Variants in FBXL5 observed in about 807,000 individuals in gnomAD.
FBXL5 encodes the protein F-box/LRR-repeat protein 5.
FBXL5 carries 26 observed loss-of-function variants against 78.3 expected under a neutral mutation model. The ratio of observed to expected loss-of-function variants is 0.33; its 90% CI spans 0.24 to 0.46. FBXL5 has a LOEUF of 0.46. Ranked by LOEUF, FBXL5 falls within the 20% of genes least tolerant of loss-of-function variation. The pLI is 1.00. For synonymous variants in FBXL5, 295 were observed against 282.5 expected (o/e 1.04, Z -0.45); for missense variants, 710 against 829.2 (o/e 0.86, Z 1.77).
upstream of FBXL5, chr4:15,655,364 G>GGCGCGCCCCCTTGCGC (rs1716773036): frequency 3.4e-6 from 4 of 1,159,496 alleles, no homozygotes; most frequent in Non-Finnish European, 4.3e-6. Context: ...GGGCAGAGGC[G>GGCGCGCCCCCTTGCGC]GCGCGCCCCC....
At chr4:15,677,486 TA>T (rs1456585146) in intron 1 of FBXL5, among the ~76,000 whole-genome samples, 1 of 152,190 alleles carries the variant, frequency 6.6e-6, no homozygotes, top group Admixed American at 6.5e-5. Flanking sequence ...ACTAGGTGTT[TA>T]CAGGATTAAA....
intron 8 of FBXL5, 66 bp downstream of exon 8, chr4:15,626,807 C>T: frequency 8.9e-7 from 1 of 1,122,776 alleles, no homozygotes; most frequent in Non-Finnish European, 1.3e-6. Flanking sequence ...GATTAAACTG[C>T]AATTACATAA....
intron 10 of FBXL5, 127 bp downstream of exon 10, chr4:15,612,139 C>T: frequency 1.4e-6 from 1 of 718,810 alleles, no homozygotes; most frequent in Non-Finnish European, 2.1e-6. Context: ...TCAAATTTAA[C>T]TAAATCTGAA....
At chr4:15,654,593 A>T (rs1050776531) in intron 1 of FBXL5, among the ~76,000 whole-genome samples, 12 of 152,246 alleles carry the variant, frequency 7.9e-5, no homozygotes, top group Admixed American at 7.2e-4. Flanking sequence ...ACACATGAAG[A>T]GTGAAGGTTC....
intron 1 of FBXL5, among the ~76,000 whole-genome samples, chr4:15,645,930 C>G (rs984665417): frequency 6.6e-6 from 1 of 151,970 alleles, no homozygotes; most frequent in Admixed American, 6.6e-5. Context: ...TTCTTTGGTA[C>G]CTGGGATATA....
At chr4:15,669,934 A>G (rs1486421001) in intron 1 of FBXL5, among the ~76,000 whole-genome samples, 2 of 152,202 alleles carry the variant, frequency 1.3e-5, no homozygotes, top group Non-Finnish European at 2.9e-5. Flanking sequence ...TAATCACCCT[A>G]GGTACTATAT....
intron 1 of FBXL5, among the ~76,000 whole-genome samples, chr4:15,666,214 C>T (rs958828911): frequency 4.6e-5 from 7 of 151,912 alleles, no homozygotes; most frequent in Non-Finnish European, 1.0e-4. Flanking sequence ...GCCTAGGCAA[C>T]ATAAGTAGAC....
At chr4:15,664,226 A>G (rs1473496024), upstream of FBXL5, among the ~76,000 whole-genome samples, 1 of 152,126 alleles carries the variant, frequency 6.6e-6, no homozygotes. Flanking sequence ...TCTCTAATTC[A>G]TCCCTTCTCT....
chr4:15,659,222 G>A (rs1220225650), upstream of FBXL5, among the ~76,000 whole-genome samples: 2 of 152,112 alleles, frequency 1.3e-5, no homozygotes, highest in South Asian at 2.1e-4. Context: ...ACAAGTAGTA[G>A]GCATACATAG....
upstream of FBXL5, chr4:15,656,214 A>G: frequency 2.2e-6 from 1 of 456,250 alleles, no homozygotes; most frequent in South Asian, 1.5e-5. Flanking sequence ...TCGGAGAGAA[A>G]ACAAGGTCAC....
intron 10 of FBXL5, among the ~76,000 whole-genome samples, chr4:15,609,663 C>G (rs1201351891): frequency 6.6e-6 from 1 of 152,028 alleles, no homozygotes; most frequent in Non-Finnish European, 1.5e-5. Flanking sequence ...CCATTTAACA[C>G]TTCTTAAATG....
intron 1 of FBXL5, among the ~76,000 whole-genome samples, chr4:15,649,273 A>T (rs1434143238): frequency 1.3e-5 from 2 of 152,110 alleles, no homozygotes; most frequent in African/African-American, 4.8e-5. Flanking sequence ...AAGTTAGTAA[A>T]TTTAGCAGTT....
At chr4:15,647,775 A>C (rs574709374) in intron 1 of FBXL5, among the ~76,000 whole-genome samples, 32 of 152,348 alleles carry the variant, frequency 2.1e-4, no homozygotes, top group African/African-American at 7.7e-4. Flanking sequence ...CCATTCTACC[A>C]GCAAGTCATT....
intron 10 of FBXL5, chr4:15,612,046 C>T (rs1298071926): frequency 2.5e-6 from 1 of 398,260 alleles, no homozygotes; most frequent in African/African-American, 2.1e-5. Flanking sequence ...AAATCTGACA[C>T]AATGGATATT....
chr4:15,631,802 G>A (rs1258654640), intron 5 of FBXL5, among the ~76,000 whole-genome samples: 3 of 151,942 alleles, frequency 2.0e-5, no homozygotes, highest in Non-Finnish European at 2.9e-5. Flanking sequence ...GTTCTTTGTA[G>A]ATTCTGGATA....
chr4:15,625,817 T>G lies in FBXL5; in HGVS notation c.1285A>C (p.Thr429Pro). The change falls in exon 9 of 11, where the codon ACT (threonine) becomes CCT (proline). Residue 429 changes from threonine (T) to proline (P), a missense_variant. Physicochemically the swap from Thr to Pro is conservative, Grantham distance 38. Around this residue, in one of 4 missense-constraint regions of FBXL5, gnomAD observed 517 missense variants for 542.9 expected, o/e 0.95. Transcript: ENST00000341285. ...GTAATGTCTTTATTTTTCCACGCAG[T>G]TGAAGTAATTTTGCTTGTAGATGTT... Reference protein sequence around the residue: ...LKTSTSKITSTAWKNKDITMQ... With the variant: ...LKTSTSKITSPAWKNKDITMQ... The G allele has an allele frequency of 6.2e-7, 1 of 1,614,138 alleles. No homozygotes were observed. The highest frequency in any genetic ancestry group is 8.5e-7 in the Non-Finnish European group (1 of 1,180,012).
chr4:15,671,391 TTTTATC>T (rs1343749239), intron 1 of FBXL5, among the ~76,000 whole-genome samples: 1 of 152,068 alleles, frequency 6.6e-6, no homozygotes, highest in African/African-American at 2.4e-5. Flanking sequence ...CCATTTAAGA[TTTTATC>T]TTTATCACTG....
intron 9 of FBXL5, among the ~76,000 whole-genome samples, chr4:15,622,592 T>C (rs1392284050): frequency 6.6e-6 from 1 of 152,226 alleles, no homozygotes; most frequent in African/African-American, 2.4e-5. Flanking sequence ...GAACATTCAG[T>C]CTGATACTAT....
intron 10 of FBXL5, among the ~76,000 whole-genome samples, chr4:15,611,237 CCA>C (rs1264222119): frequency 6.6e-6 from 1 of 152,096 alleles, no homozygotes; most frequent in East Asian, 1.9e-4. Context: ...GCTACCATCT[CCA>C]GTTTCCTCTT....
Sources: gnomAD v4.1 joint callset for allele counts (sites outside exome capture counted in the v4.1 genomes callset) on GRCh38, gnomAD v4.1.1 for gene constraint, gnomAD v4.1.1 regional missense constraint, MANE v1.5 for transcripts, NCBI Gene and HGNC (gene_info 2026-07-23, HGNC 2026-07-21) for gene names.